Variants in DCUN1D4 observed in about 807,000 individuals in gnomAD.
DCUN1D4 encodes defective in cullin neddylation 1 domain containing 4, also known as DCN1-like protein 4.
DCUN1D4 carries 22 observed loss-of-function variants against 47.9 expected under a neutral mutation model. That is an observed-to-expected ratio of 0.46 (90% CI 0.33 to 0.66). The LOEUF (loss-of-function observed/expected upper bound fraction) is 0.66, where lower values mean the gene tolerates loss of function less well. Ranked by LOEUF, DCUN1D4 falls within the 30% of genes least tolerant of loss-of-function variation. DCUN1D4 has a pLI of 0.02. For missense variants in DCUN1D4, 301 were observed against 340.8 expected, an observed-to-expected ratio of 0.88 and a Z score of 0.92; for synonymous variants, 121 against 112.2, an observed-to-expected ratio of 1.08 and a Z score of -0.50.
chr4:51,902,457 C>A (rs1179568272), intron 8 of DCUN1D4, among the ~76,000 whole-genome samples: 1 of 152,152 alleles, frequency 6.6e-6, no homozygotes, highest in East Asian at 1.9e-4. Context: ...ATTGTTATAT[C>A]CTCTTGATGA....
At chr4:51,850,759 C>CGTGGG (rs1189825407) in intron 1 of DCUN1D4, among the ~76,000 whole-genome samples, 8 of 151,812 alleles carry the variant, frequency 5.3e-5, no homozygotes, top group African/African-American at 1.9e-4. Flanking sequence ...TGTGTGCGGG[C>CGTGGG]GTGGGGTGGG....
At chr4:51,879,525 C>G (rs1274636965) in intron 5 of DCUN1D4, among the ~76,000 whole-genome samples, 1 of 152,078 alleles carries the variant, frequency 6.6e-6, no homozygotes, top group Admixed American at 6.5e-5. Flanking sequence ...GAGAATCACT[C>G]GAACCTGGGA....
intron 5 of DCUN1D4, among the ~76,000 whole-genome samples, chr4:51,878,725 G>GT (rs1728075976): frequency 6.6e-6 from 1 of 152,144 alleles, no homozygotes; most frequent in African/African-American, 2.4e-5. Flanking sequence ...GATTTTCTCC[G>GT]TTTTTCCATC....
chr4:51,867,924 T>A (rs1001588758), intron 3 of DCUN1D4, among the ~76,000 whole-genome samples: 3 of 152,248 alleles, frequency 2.0e-5, no homozygotes, highest in African/African-American at 7.2e-5. Flanking sequence ...AAGGGGCACC[T>A]GCAGGTCTGC....
intron 7 of DCUN1D4, among the ~76,000 whole-genome samples, chr4:51,895,400 G>A (rs1731086314): frequency 1.3e-5 from 2 of 152,014 alleles, no homozygotes; most frequent in Non-Finnish European, 2.9e-5. Flanking sequence ...CCTAGGGCCT[G>A]TGAGCCTGGG....
chr4:51,866,924 T>G (rs1310367095), intron 3 of DCUN1D4, among the ~76,000 whole-genome samples: 2 of 152,218 alleles, frequency 1.3e-5, no homozygotes, highest in Non-Finnish European at 2.9e-5. Flanking sequence ...GCTGGGCTCC[T>G]TCCACCCACT....
chr4:51,858,805 C>T (rs1227859862), intron 1 of DCUN1D4, among the ~76,000 whole-genome samples: 1 of 152,176 alleles, frequency 6.6e-6, no homozygotes, highest in Non-Finnish European at 1.5e-5. Flanking sequence ...ATAAATAAAG[C>T]TTTATTGGAA....
intron 1 of DCUN1D4, among the ~76,000 whole-genome samples, chr4:51,856,021 A>G (rs1301249014): frequency 6.6e-6 from 1 of 152,182 alleles, no homozygotes; most frequent in Non-Finnish European, 1.5e-5. Flanking sequence ...AAACACCCTT[A>G]AGCATTCCCT....
intron 5 of DCUN1D4, among the ~76,000 whole-genome samples, chr4:51,879,851 AT>A (rs966630857): frequency 8.5e-5 from 13 of 152,234 alleles, no homozygotes; most frequent in African/African-American, 2.6e-4. Context: ...GCAAATACAG[AT>A]TTTTTCATAA....
intron 7 of DCUN1D4, among the ~76,000 whole-genome samples, 167 bp downstream of exon 7, chr4:51,892,018 A>G (rs1407531075): frequency 2.6e-5 from 4 of 152,182 alleles, no homozygotes; most frequent in Non-Finnish European, 5.9e-5. Flanking sequence ...TTTGAGGACT[A>G]TTCTGGGCAA....
upstream of DCUN1D4, among the ~76,000 whole-genome samples, chr4:51,841,815 T>C (rs1487514006): frequency 6.6e-6 from 1 of 152,032 alleles, no homozygotes; most frequent in Non-Finnish European, 1.5e-5. Flanking sequence ...GCCTGGGCTG[T>C]AGAAATCTAA....
intron 3 of DCUN1D4, among the ~76,000 whole-genome samples, chr4:51,873,639 C>T (rs1727237584): frequency 6.6e-6 from 1 of 152,202 alleles, no homozygotes. Flanking sequence ...CTATTATTAT[C>T]TGTTATTACA....
At chr4:51,837,610 G>T in the DCUN1D4 span, among the ~76,000 whole-genome samples, 5 of 122,078 alleles carry the variant, frequency 4.1e-5, no homozygotes, top group African/African-American at 1.6e-4. Context: ...AGCGGAGATC[G>T]CGCCACAGCA....
chr4:51,858,956 A>G (rs1359291813), intron 1 of DCUN1D4, among the ~76,000 whole-genome samples: 1 of 152,210 alleles, frequency 6.6e-6, no homozygotes, highest in East Asian at 1.9e-4. Flanking sequence ...TCTGCTTTAT[A>G]CTGTGTATTG....
At chr4:51,838,366 C>A (rs1018576302), upstream of DCUN1D4, among the ~76,000 whole-genome samples, 1 of 151,924 alleles carries the variant, frequency 6.6e-6, no homozygotes, top group African/African-American at 2.4e-5. Flanking sequence ...TAAAAAGAGG[C>A]CTGGTTTCAC....
chr4:51,908,772 C>T (rs1034730602), intron 8 of DCUN1D4: 2 of 404,924 alleles, frequency 4.9e-6, no homozygotes, highest in Non-Finnish European at 1.0e-5. Context: ...TGGGAGCTCT[C>T]GACTGTTGTT....
intron 1 of DCUN1D4, among the ~76,000 whole-genome samples, chr4:51,861,061 G>A (rs145215723): frequency 2.0e-4 from 30 of 152,286 alleles, no homozygotes; most frequent in African/African-American, 6.7e-4. Context: ...GTATTGTAAT[G>A]GGTACCTGAC....
At chr4:51,877,663 T>C in intron 4 of DCUN1D4, 100 bp from the exon 5 acceptor site, 1 of 726,514 alleles carries the variant, frequency 1.4e-6, no homozygotes, top group Admixed American at 2.5e-5. Context: ...AAAATACTGA[T>C]TGAATAGATG....
chr4:51,866,263 T>G (rs1341946323), intron 3 of DCUN1D4, among the ~76,000 whole-genome samples: 2 of 152,172 alleles, frequency 1.3e-5, no homozygotes, highest in African/African-American at 4.8e-5. Context: ...TGAAAAAATA[T>G]AAAACAAAAA....
Sources: allele counts gnomAD v4.1 joint callset (sites outside exome capture counted in the v4.1 genomes callset), GRCh38; gene constraint gnomAD v4.1.1; transcripts MANE v1.5; gene names NCBI Gene and HGNC (gene_info 2026-07-23, HGNC 2026-07-21).